The following AFF1 variants were observed in gnomAD, a reference collection of about 807,000 sequenced individuals.
AFF1 encodes AF4/FMR2 family member 1.
A neutral mutation model predicts 121.7 loss-of-function variants in AFF1; 48 were observed. That is an observed-to-expected ratio of 0.39 (90% confidence interval 0.31 to 0.50). The LOEUF (loss-of-function observed/expected upper bound fraction) is 0.50. Ranked by LOEUF, AFF1 falls within the 20% of genes least tolerant of loss-of-function variation. The pLI is 0.76. For synonymous variants in AFF1, 613 were observed against 563.0 expected, an observed-to-expected ratio of 1.09 and a Z score of -1.26; for missense variants, 1,523 against 1,511.7, an observed-to-expected ratio of 1.01 and a Z score of -0.12.
In AFF1 at chr4:86,935,104, T is replaced by C. The variant is rs368737611; in HGVS notation, c.-173T>C. 3 of 152,184 alleles carry C rather than the reference T, an allele frequency of 2.0e-5. No individual in the cohort carries two copies. The highest frequency in any genetic ancestry group is 3.9e-4 in the East Asian group (2 of 5,176). 9.4% of individuals were successfully genotyped at this position (152,184 alleles called of 1,614,324 possible). ...CGCAGCTGCACCTTTGCCTCCGCGG[T>C]TCCGCAGCCGAGCCCCGGGAGGAGG... On this transcript the variant is annotated 5_prime_UTR_variant, in exon 1 of 21. Transcript: ENST00000395146.
intron 2 of AFF1, among the ~76,000 whole-genome samples, chr4:87,000,230 T>C (rs1434317618): frequency 6.6e-6 from 1 of 152,234 alleles, no homozygotes; most frequent in Non-Finnish European, 1.5e-5. Context: ...TTCCTGTGTC[T>C]GCTTCATTCT....
chr4:87,059,297 G>GC (rs1365346284), intron 4 of AFF1, among the ~76,000 whole-genome samples: 2 of 152,060 alleles, frequency 1.3e-5, no homozygotes, highest in African/African-American at 2.4e-5. Context: ...ATTTTTTTGT[G>GC]CCCCCCTCTC....
chr4:86,966,427 TTATACTA>T (rs1291115544), intron 2 of AFF1, among the ~76,000 whole-genome samples: 1 of 152,166 alleles, frequency 6.6e-6, no homozygotes, highest in Admixed American at 6.5e-5. Context: ...TGCTTTCTTT[TTATACTA>T]TGGATTTTCT....
intron 4 of AFF1, among the ~76,000 whole-genome samples, chr4:87,069,271 CTTTT>C (rs753186809): frequency 9.9e-5 from 8 of 80,562 alleles, no homozygotes; most frequent in African/African-American, 4.3e-4. Flanking sequence ...TGTGTGGCCT[CTTTT>C]TTTTTTTTTT....
At chr4:87,115,625 T>TTTTTTTTTTTTTTTGTC (rs397994396) in intron 12 of AFF1, among the ~76,000 whole-genome samples, 23 of 103,030 alleles carry the variant, frequency 2.2e-4, no homozygotes, top group Non-Finnish European at 4.1e-4. Context: ...TTTTTTTTTT[T>TTTTTTTTTTTTTTTGTC]CCAAAGACAG....
intron 11 of AFF1, 33 bp from the exon 12 acceptor site, chr4:87,114,334 A>T (rs1356863666): frequency 2.6e-6 from 4 of 1,539,126 alleles, no homozygotes; most frequent in Middle Eastern, 1.8e-4. Flanking sequence ...ATCAATGGTC[A>T]GTTAACACTT....
At chr4:87,103,755 T>A (rs557266175) in intron 8 of AFF1, among the ~76,000 whole-genome samples, 1 of 152,316 alleles carries the variant, frequency 6.6e-6, no homozygotes, top group South Asian at 2.1e-4. Flanking sequence ...GAAGAGAAAG[T>A]TACAGAATTT....
intron 2 of AFF1, among the ~76,000 whole-genome samples, chr4:86,970,746 A>G (rs1010269332): frequency 2.0e-5 from 3 of 152,186 alleles, no homozygotes; most frequent in African/African-American, 7.2e-5. Context: ...GTTATGTTCG[A>G]GCAGAGACCT....
intron 2 of AFF1, among the ~76,000 whole-genome samples, chr4:86,985,654 C>T (rs1022695862): frequency 7.3e-5 from 11 of 151,564 alleles, no homozygotes; most frequent in Non-Finnish European, 1.2e-4. Flanking sequence ...CCAGCCTGTG[C>T]GAAAAGAGCA....
chr4:86,980,810 A>T (rs951238697), intron 2 of AFF1, among the ~76,000 whole-genome samples: 1 of 152,194 alleles, frequency 6.6e-6, no homozygotes, highest in Non-Finnish European at 1.5e-5. Context: ...CTTACTTTGG[A>T]ACTATTAAAT....
chr4:87,123,427 T>G (rs1002802325), intron 12 of AFF1, among the ~76,000 whole-genome samples: 1 of 152,190 alleles, frequency 6.6e-6, no homozygotes, highest in African/African-American at 2.4e-5. Context: ...ACTGATAGCC[T>G]CCCGAGGGTA....
At chr4:87,091,209 C>T (rs1724273274) in intron 6 of AFF1, among the ~76,000 whole-genome samples, 1 of 151,772 alleles carries the variant, frequency 6.6e-6, no homozygotes, top group Non-Finnish European at 1.5e-5. Context: ...TCAAGACCAT[C>T]CTGGCCAACA....
intron 2 of AFF1, among the ~76,000 whole-genome samples, chr4:86,973,455 T>C (rs1723080614): frequency 1.3e-5 from 2 of 152,132 alleles, no homozygotes; most frequent in South Asian, 4.1e-4. Flanking sequence ...GGTCTCTTAA[T>C]TTTTTTCCCC....
intron 12 of AFF1, among the ~76,000 whole-genome samples, chr4:87,122,881 T>A (rs1175467842): frequency 2.8e-4 from 27 of 96,634 alleles, no homozygotes; most frequent in East Asian, 6.7e-4. Flanking sequence ...GGAAAATTAG[T>A]AAAAAAAAAA....
rs1034162623 is a variant in AFF1 at position 87,091,698 on chromosome 4, A to G, written c.1192-95A>G. ...TTTCTAGATATTTGAAAGTTTCATA[A>G]GACTATCCTTTTAATACTAAAAGCT... On this transcript the variant is annotated intron_variant, in intron 6 of 20. Transcript: ENST00000395146. The G allele has an allele frequency of 1.2e-5, 10 of 823,946 alleles. No homozygotes were observed. The Admixed American group carries it at 3.0e-4, about 25-fold the overall frequency. 51.0% of individuals were successfully genotyped at this position (823,946 alleles called of 1,614,324 possible). A position where few individuals can be genotyped will look rare whatever the true frequency, so the allele number is the denominator to read the frequency against.
intron 12 of AFF1, among the ~76,000 whole-genome samples, chr4:87,121,043 G>C (rs1727637170): frequency 6.6e-6 from 1 of 152,106 alleles, no homozygotes; most frequent in African/African-American, 2.4e-5. Context: ...GATCAGGGCT[G>C]CCTGACCCAA....
chr4:87,127,200 A>G (rs1728361215), intron 15 of AFF1, 83 bp downstream of exon 15: 2 of 1,182,194 alleles, frequency 1.7e-6, no homozygotes, highest in Non-Finnish European at 2.4e-6. Flanking sequence ...TCACTCTGTC[A>G]CCCAGGCTGG....
intron 2 of AFF1, among the ~76,000 whole-genome samples, chr4:86,998,082 G>T: frequency 1.1e-5 from 1 of 91,518 alleles, no homozygotes. Flanking sequence ...TAGGCAATAA[G>T]AGCGAAACTC....
At chr4:87,130,756 G>C (rs342468) in intron 16 of AFF1, among the ~76,000 whole-genome samples, 1 of 152,026 alleles carries the variant, frequency 6.6e-6, no homozygotes, top group Admixed American at 6.5e-5. Context: ...GTTTCTCAAG[G>C]AAGTTATAGA....
Sources: gnomAD v4.1 joint callset for allele counts (sites outside exome capture counted in the v4.1 genomes callset) on GRCh38, gnomAD v4.1.1 for gene constraint, MANE v1.5 for transcripts, NCBI Gene and HGNC (gene_info 2026-07-23, HGNC 2026-07-21) for gene names.